The following SRD5A2 variants were observed in gnomAD, a reference collection of about 807,000 sequenced individuals.
SRD5A2 encodes steroid 5 alpha-reductase 2, also known as 3-oxo-5-alpha-steroid 4-dehydrogenase 2.
SRD5A2 carries 30 observed loss-of-function variants against 27.4 expected under a neutral mutation model. That is an observed-to-expected ratio of 1.10 (90% confidence interval 0.82 to 1.49). SRD5A2 has a LOEUF of 1.49. Among genes scored for constraint, SRD5A2 ranks in the 40% most tolerant of loss-of-function variants. The pLI, the probability that SRD5A2 is intolerant of heterozygous loss-of-function variation, is 0.00. For missense variants in SRD5A2, 348 were observed against 323.4 expected (o/e 1.08, Z -0.58); for synonymous variants, 141 against 133.6 (o/e 1.06, Z -0.38).
At chr2:31,609,693 T>C in the SRD5A2 span, among the ~76,000 whole-genome samples, 2 of 152,150 alleles carry the variant, frequency 1.3e-5, no homozygotes, top group Non-Finnish European at 2.9e-5. Context: ...TAAATCTTTA[T>C]GATTTTAAAT....
chr2:31,633,178 C>A, the SRD5A2 span, among the ~76,000 whole-genome samples: 1 of 152,166 alleles, frequency 6.6e-6, no homozygotes, highest in Non-Finnish European at 1.5e-5. Flanking sequence ...AGCCCCAGTA[C>A]TCAACAGGAT....
the SRD5A2 span, among the ~76,000 whole-genome samples, chr2:31,607,942 CTCTT>C: frequency 6.6e-6 from 1 of 151,890 alleles, no homozygotes. Flanking sequence ...ACAATGATCT[CTCTT>C]TCTCAGCTAT....
At chr2:31,578,218 AG>A (rs1187784291) in intron 1 of SRD5A2, among the ~76,000 whole-genome samples, 1 of 152,090 alleles carries the variant, frequency 6.6e-6, no homozygotes, top group Non-Finnish European at 1.5e-5. Flanking sequence ...ATTTTTCATT[AG>A]GAAAAAATGT....
At chr2:31,640,844 C>T in the SRD5A2 span, among the ~76,000 whole-genome samples, 1 of 151,648 alleles carries the variant, frequency 6.6e-6, no homozygotes, top group Non-Finnish European at 1.5e-5. Flanking sequence ...ACTCATGATG[C>T]TTCCTGTGGT....
the SRD5A2 span, among the ~76,000 whole-genome samples, chr2:31,619,334 C>G: frequency 6.6e-6 from 1 of 152,142 alleles, no homozygotes; most frequent in South Asian, 2.1e-4. Context: ...TTTATCCAGT[C>G]TATCATTGAT....
the SRD5A2 span, among the ~76,000 whole-genome samples, chr2:31,586,736 G>A: frequency 6.6e-6 from 1 of 152,162 alleles, no homozygotes; most frequent in Non-Finnish European, 1.5e-5. Context: ...AAATACTCCG[G>A]TCTTTTCAAA....
At chr2:31,542,625 G>T (rs1666152761) in intron 1 of SRD5A2, among the ~76,000 whole-genome samples, 1 of 152,078 alleles carries the variant, frequency 6.6e-6, no homozygotes, top group Non-Finnish European at 1.5e-5. Context: ...AACATCTGGA[G>T]CTAAAAATTA....
chr2:31,611,274 G>A, the SRD5A2 span, among the ~76,000 whole-genome samples: 1 of 152,126 alleles, frequency 6.6e-6, no homozygotes, highest in Non-Finnish European at 1.5e-5. Flanking sequence ...ATAGATTCAT[G>A]AGTAAAATAA....
intron 1 of SRD5A2, among the ~76,000 whole-genome samples, chr2:31,572,845 T>C (rs1176442408): frequency 6.6e-6 from 1 of 152,178 alleles, no homozygotes; most frequent in Non-Finnish European, 1.5e-5. Context: ...CCCTGTTTTC[T>C]TCACAGTAAC....
At chr2:31,546,520 AG>A (rs1666264613) in intron 1 of SRD5A2, among the ~76,000 whole-genome samples, 1 of 202 alleles carries the variant, frequency 5.0e-3, no homozygotes, top group Admixed American at 0.056. Flanking sequence ...CTTTATTCAA[AG>A]CCAAATTAAT....
chr2:31,646,132 A>G, the SRD5A2 span, among the ~76,000 whole-genome samples: 12 of 152,218 alleles, frequency 7.9e-5, no homozygotes, highest in South Asian at 2.5e-3. Flanking sequence ...ATTAGCTATG[A>G]TGCTCCAAAC....
At chr2:31,623,442 G>A in the SRD5A2 span, among the ~76,000 whole-genome samples, 1 of 152,044 alleles carries the variant, frequency 6.6e-6, no homozygotes. Context: ...CCTCAATTAC[G>A]TTTCCACCAT....
the SRD5A2 span, among the ~76,000 whole-genome samples, chr2:31,611,995 TG>T: frequency 2.0e-5 from 3 of 152,088 alleles, no homozygotes; most frequent in Non-Finnish European, 2.9e-5. Flanking sequence ...AAGGATAAAC[TG>T]GCTGAGTGTG....
chr2:31,543,944 A>G (rs576305010), intron 1 of SRD5A2, among the ~76,000 whole-genome samples: 2 of 152,192 alleles, frequency 1.3e-5, no homozygotes, highest in African/African-American at 4.8e-5. Context: ...TTTACAAGAG[A>G]CTCACTTTAG....
rs1224584504 is a variant in SRD5A2 at position 31,524,794 on chromosome 2, G to A, written c.*1402C>T. ...CATTCCGCAAACATAGGCCTGAGAAGACAAATATTTCCATGTATTCCAATT... is the reference window on the plus strand; with the variant it reads ...CATTCCGCAAACATAGGCCTGAGAAAACAAATATTTCCATGTATTCCAATT... On this transcript the variant is annotated 3_prime_UTR_variant, in exon 5 of 5. Transcript: ENST00000622030. 1 of 228,268 alleles carries A rather than the reference G, an allele frequency of 4.4e-6. No homozygotes were observed. The highest frequency in any genetic ancestry group is 8.7e-6 in the Non-Finnish European group (1 of 114,902). The allele number at this position is 228,268 out of a possible 1,614,324, so 14.1% of individuals were successfully genotyped here.
At position 31,523,544 on chromosome 2, in the gene SRD5A2, A is replaced by T. The variant is rs1387928482; in HGVS notation, c.*2652T>A. On this transcript the variant is annotated 3_prime_UTR_variant, in exon 5 of 5. Transcript: ENST00000622030. ...AAGTGGTAGGAATAGCTGATGTCTG[A>T]GGTCTGCTTCAGCTCTTTAAGTCTA... 2 of 220,386 alleles carry T rather than the reference A, an allele frequency of 9.1e-6. No individual in the cohort carries two copies. The highest frequency in any genetic ancestry group is 1.2e-4 in the Admixed American group (2 of 17,322). 13.7% of individuals were successfully genotyped at this position (220,386 alleles called of 1,614,324 possible). A position where few individuals can be genotyped will look rare whatever the true frequency, so the allele number is the denominator to read the frequency against.
chr2:31,577,614 A>G (rs975144537), intron 1 of SRD5A2, among the ~76,000 whole-genome samples: 1 of 152,186 alleles, frequency 6.6e-6, no homozygotes, highest in Admixed American at 6.5e-5. Flanking sequence ...ACAGTCCCCA[A>G]TGGACATTTT....
At chr2:31,592,273 A>G in the SRD5A2 span, among the ~76,000 whole-genome samples, 1 of 152,220 alleles carries the variant, frequency 6.6e-6, no homozygotes, top group East Asian at 1.9e-4. Flanking sequence ...CCCATAACAG[A>G]ACAAACCTGA....
Position 31,524,052 on chromosome 2 carries a change from A to G in SRD5A2, c.*2144T>C, listed in dbSNP as rs542361787. 4.5e-6 allele frequency: 1 copy of G among 222,390 alleles called. No individual in the cohort carries two copies. The highest frequency in any genetic ancestry group is 2.2e-5 in the African/African-American group (1 of 44,906). 13.8% of individuals were successfully genotyped at this position (222,390 alleles called of 1,614,324 possible). A position where few individuals can be genotyped will look rare whatever the true frequency, so the allele number is the denominator to read the frequency against. On this transcript the variant is annotated 3_prime_UTR_variant, in exon 5 of 5. Transcript: ENST00000622030. Reference sequence around the variant, plus strand: ...AAGGTTGGACTAAATACTATTTTAGAAAGCGCCCTCTTGTGGCAAAAAGTG... The same window carrying G: ...AAGGTTGGACTAAATACTATTTTAGGAAGCGCCCTCTTGTGGCAAAAAGTG...
Sources: gnomAD v4.1 joint callset for allele counts (sites outside exome capture counted in the v4.1 genomes callset) on GRCh38, gnomAD v4.1.1 for gene constraint, MANE v1.5 for transcripts, NCBI Gene and HGNC (gene_info 2026-07-23, HGNC 2026-07-21) for gene names.